The following ZNF658 variants were observed in gnomAD, a reference collection of about 807,000 sequenced individuals.
ZNF658 encodes the protein zinc finger protein 658.
Under a neutral mutation model 78.0 loss-of-function variants are expected in ZNF658, and 46 were observed. The observed-to-expected ratio is 0.59, with a 90% CI of 0.47 to 0.75. The LOEUF (loss-of-function observed/expected upper bound fraction) is 0.75, where lower values mean the gene tolerates loss of function less well. ZNF658 is among the 30% of genes least tolerant of loss of function. The pLI is 0.00. For missense variants in ZNF658, 785 were observed against 1,189.3 expected (o/e 0.66, Z 5.00); for synonymous variants, 279 against 408.4 (o/e 0.68, Z 3.82).
chr9:66,908,404 G>A (rs1198731979), intron 3 of ZNF658, 40 bp downstream of exon 3: 1 of 1,613,054 alleles, frequency 6.2e-7, no homozygotes, highest in African/African-American at 1.3e-5. Flanking sequence ...GAGAATATAT[G>A]TCCCTTTTTA....
chr9:66,921,100 A>T lies in ZNF658; in HGVS notation c.*354A>T. On this transcript the variant is annotated 3_prime_UTR_variant, in exon 5 of 5. Transcript: ENST00000621410. ...ACGAACAATTCACTTCCAGGTCTTC[A>T]TCAGGGTTTTGTTTTTGTTGCTTTA... The T allele has an allele frequency of 4.3e-6, 1 of 230,366 alleles. No individual in the cohort carries two copies. The highest frequency in any genetic ancestry group is 8.6e-6 in the Non-Finnish European group (1 of 116,818). The allele number at this position is 230,366 out of a possible 1,614,324, so 14.3% of individuals were successfully genotyped here. A position where few individuals can be genotyped will look rare whatever the true frequency, so the allele number is the denominator to read the frequency against.
Position 66,908,634 on chromosome 9 carries a change from T to TAC in ZNF658, c.143-3_143-2dup. On this transcript the variant is annotated splice_region_variant and splice_polypyrimidine_tract_variant and intron_variant, in intron 3 of 4. Coordinates refer to ENST00000621410, the MANE Select transcript of ZNF658 (RefSeq NM_033160.7). The stretch of plus-strand genomic sequence containing the variant: ...TCTGGTCCATGTCAATTATTTTGTT[T>TAC]ACAGGATATTGCATTACTAAACCTA... 13 of 1,548,568 alleles carry TAC rather than the reference T, an allele frequency of 8.4e-6. No individual in the cohort carries two copies. Among genetic ancestry groups the TAC allele is most frequent in the Non-Finnish European group, 1.1e-5 (13 of 1,140,402 alleles).
chr9:66,925,853 A>G (rs1329491761), downstream of ZNF658, among the ~76,000 whole-genome samples: 1 of 150,400 alleles, frequency 6.6e-6, no homozygotes, highest in Non-Finnish European at 1.5e-5. Context: ...AAATAATTGC[A>G]AACCAAATTT....
At chr9:66,914,358 C>T (rs1822284430) in intron 4 of ZNF658, among the ~76,000 whole-genome samples, 1 of 151,968 alleles carries the variant, frequency 6.6e-6, no homozygotes, top group South Asian at 2.1e-4. Flanking sequence ...GCCTTAGATT[C>T]TGCCCTTGCT....
intron 4 of ZNF658, among the ~76,000 whole-genome samples, chr9:66,909,800 T>C (rs1297016375): frequency 6.6e-6 from 1 of 152,236 alleles, no homozygotes; most frequent in African/African-American, 2.4e-5. Context: ...TTGATGTACA[T>C]TTCTGTATTA....
rs1407925974 is a variant in ZNF658 at position 66,904,000 on chromosome 9, A to G, written c.15+424A>G. Among the ~76,000 whole-genome samples the G allele has an allele frequency of 3.9e-5, 6 of 152,222 alleles. 1 individual carries two copies. Among genetic ancestry groups the G allele is most frequent in the Middle Eastern group, 6.8e-3 (2 of 294 alleles). ...CAATAGAAGTAGAAATTGTAATGCTAAATTTGAACACGTTCAGTACTATTT... is the reference window on the plus strand; with the variant it reads ...CAATAGAAGTAGAAATTGTAATGCTGAATTTGAACACGTTCAGTACTATTT... On this transcript the variant is annotated intron_variant, in intron 2 of 4. Transcript: ENST00000621410.
chr9:66,909,136 G>C (rs538647632), intron 4 of ZNF658, among the ~76,000 whole-genome samples: 1 of 151,950 alleles, frequency 6.6e-6, no homozygotes, highest in South Asian at 2.1e-4. Flanking sequence ...TGGTATTTAA[G>C]AGAATCCTGG....
At chr9:66,901,781 C>A (rs1179872143) in intron 1 of ZNF658, among the ~76,000 whole-genome samples, 1 of 151,124 alleles carries the variant, frequency 6.6e-6, no homozygotes, top group African/African-American at 2.4e-5. Context: ...CCCATCTCTA[C>A]AAAAATAAAA....
At chr9:66,906,032 T>C (rs1822072144) in intron 2 of ZNF658, among the ~76,000 whole-genome samples, 1 of 145,586 alleles carries the variant, frequency 6.9e-6, no homozygotes, top group Non-Finnish European at 1.5e-5. Context: ...GGAGTTGTTG[T>C]TGAAATTTGT....
At chr9:66,928,756 G>T (rs1822610888) in intron 6 of ZNF658, among the ~76,000 whole-genome samples, 1 of 148,642 alleles carries the variant, frequency 6.7e-6, no homozygotes, top group Non-Finnish European at 1.5e-5. Context: ...AATACTTAGG[G>T]ATAAATTTGA....
chr9:66,904,403 T>C (rs1822026706), intron 2 of ZNF658, among the ~76,000 whole-genome samples: 1 of 151,494 alleles, frequency 6.6e-6, no homozygotes, highest in Non-Finnish European at 1.5e-5. Context: ...GGCTGATGTC[T>C]TCATGGAGCC....
rs1564170399 is a variant in ZNF658, at chr9:66,908,437, C to A, written c.142+73C>A. 16 of 1,600,666 alleles carry A rather than the reference C, an allele frequency of 1.0e-5. No homozygotes were observed. In the East Asian group the frequency reaches 2.0e-4, roughly 20 times the overall value. ...TTAAAAAGTATCAAAACACATGGAC[C>A]CTTTATAGAGATTAAAGGGCTTTGG... On this transcript the variant is annotated intron_variant, in intron 3 of 4. Coordinates refer to ENST00000621410, the MANE Select transcript of ZNF658 (RefSeq NM_033160.7).
Position 66,908,302 on chromosome 9 carries a change from C to T in ZNF658, c.80C>T (p.Pro27Leu), listed in dbSNP as rs774172329. The T allele has an allele frequency of 6.8e-6, 11 of 1,613,958 alleles. No homozygotes were observed. The East Asian group carries it at 1.8e-4, about 26-fold the overall frequency. ...CGGGAGGAGTGGCAGCACCTGGGCC[C>T]TGTCGAGAGGACGCTGTACAGAGAT... ...FTREEWQHLG[P>L]VERTLYRDVM... is the part of the protein sequence containing the mutation. Residue 27 changes from proline to leucine, a missense_variant, in exon 3 of 5, where the codon CCT (proline) becomes CTT (leucine). By Grantham distance (98) the Pro-to-Leu change is moderately conservative. This residue lies in a region of ZNF658 where 79 missense variants were observed against 96.5 expected (regional missense o/e 0.82). Coordinates refer to ENST00000621410, the MANE Select transcript of ZNF658 (RefSeq NM_033160.7).
Position 66,918,386 on chromosome 9 carries a change from G to A in ZNF658, c.820G>A (p.Glu274Lys). 1 of 1,613,758 alleles carries A rather than the reference G, an allele frequency of 6.2e-7. No homozygotes were observed. Among genetic ancestry groups the A allele is most frequent in the Non-Finnish European group, 8.5e-7 (1 of 1,179,804 alleles). The change falls in exon 5 of 5, where the codon GAA (glutamate) becomes AAA (lysine). Residue 274 changes from glutamate to lysine, a missense_variant. Around this residue, in one of 12 missense-constraint regions of ZNF658, gnomAD observed 393 missense variants for 400.2 expected, o/e 0.98. Transcript: ENST00000621410. ...DTRGKCSDLN[E>K]YGTSCDKTTA... is the part of the protein sequence containing the mutation. ...AAGGGGGAAATGCTCTGATCTTAAT[G>A]AATATGGGACATCCTGTGACAAAAC...
intron 6 of ZNF658, among the ~76,000 whole-genome samples, chr9:66,927,151 C>G (rs1359111290): frequency 2.0e-5 from 3 of 152,022 alleles, no homozygotes; most frequent in South Asian, 4.1e-4. Context: ...GTCAGGAACT[C>G]AAACAACTCA....
rs954984690 is a variant in ZNF658, at chr9:66,900,749, A to C, written c.-132A>C. The C allele has an allele frequency of 6.6e-6, 1 of 152,244 alleles. No homozygotes were observed. The highest frequency in any genetic ancestry group is 3.2e-3 in the Middle Eastern group (1 of 316). 9.4% of individuals were successfully genotyped at this position (152,244 alleles called of 1,614,324 possible). A position where few individuals can be genotyped will look rare whatever the true frequency, so the allele number is the denominator to read the frequency against. On this transcript the variant is annotated 5_prime_UTR_variant, in exon 1 of 5. Coordinates refer to ENST00000621410, the MANE Select transcript of ZNF658 (RefSeq NM_033160.7). ...TCTGCGCATGTGTAAACCCAGCCCC[A>C]CCTCCTGCCGTCTGCCCTCCCGGGC...
Position 66,919,779 on chromosome 9 carries a change from G to A in ZNF658, c.2213G>A (p.Gly738Glu). ...AGAGCACATCAGAATATCCACACAG[G>A]GGAGAAACTCTATGAATGTAGTGAA... ...ALRAHQNIHT[G>E]EKLYECSECG... The change falls in exon 5 of 5, where the codon GGG becomes GAG. Residue 738 changes from glycine (G) to glutamate (E), a missense_variant. Physicochemically the swap from Gly to Glu is moderately conservative, Grantham distance 98. Around this residue, in one of 12 missense-constraint regions of ZNF658, gnomAD observed 75 missense variants for 147.1 expected, o/e 0.51. Coordinates refer to ENST00000621410, the MANE Select transcript of ZNF658 (RefSeq NM_033160.7). 1 of 1,611,184 alleles carries A rather than the reference G, an allele frequency of 6.2e-7. No homozygotes were observed. Among genetic ancestry groups the A allele is most frequent in the Non-Finnish European group, 8.5e-7 (1 of 1,179,698 alleles).
intron 4 of ZNF658, among the ~76,000 whole-genome samples, chr9:66,909,929 A>C (rs1398616490): frequency 2.6e-5 from 4 of 152,170 alleles, no homozygotes; most frequent in Non-Finnish European, 5.9e-5. Context: ...GTTTCTGGTG[A>C]AGCGTCTCTT....
intron 6 of ZNF658, among the ~76,000 whole-genome samples, chr9:66,931,333 T>C (rs1303762247): frequency 1.3e-5 from 2 of 150,862 alleles, no homozygotes; most frequent in East Asian, 4.0e-4. Flanking sequence ...CACACAGACA[T>C]ACACACATAT....
Sources: allele counts gnomAD v4.1 joint callset (sites outside exome capture counted in the v4.1 genomes callset), GRCh38; gene constraint gnomAD v4.1.1; regional missense constraint gnomAD v4.1.1; transcripts MANE v1.5; gene names NCBI Gene and HGNC (gene_info 2026-07-23, HGNC 2026-07-21).